The following EYS variants were observed in gnomAD, a reference collection of about 807,000 sequenced individuals.
The protein encoded by EYS is EGF-like photoreceptor maintenance factor.
Under a neutral mutation model 282.1 loss-of-function variants are expected in EYS, and 250 were observed. The observed-to-expected ratio is 0.89, with a 90% confidence interval of 0.80 to 0.98. EYS has a LOEUF of 0.98. Ranked by LOEUF, EYS falls within the 50% of genes least tolerant of loss-of-function variation. The pLI, the probability that EYS is intolerant of heterozygous loss-of-function variation, is 0.00. For synonymous variants in EYS, 1,355 were observed against 1,282.9 expected (o/e 1.06, Z -1.20); for missense variants, 4,016 against 3,709.0 (o/e 1.08, Z -2.15).
intron 12 of EYS, among the ~76,000 whole-genome samples, chr6:65,171,413 A>T (rs2150227621): frequency 6.6e-6 from 1 of 151,650 alleles, no homozygotes; most frequent in African/African-American, 2.4e-5. Flanking sequence ...ACCTTTACTT[A>T]ACTTTTCAAT....
chr6:65,516,102 A>T (rs991845849), intron 2 of EYS, among the ~76,000 whole-genome samples: 5 of 152,016 alleles, frequency 3.3e-5, no homozygotes, highest in African/African-American at 9.7e-5. Context: ...GAAGGAAAGA[A>T]ATAAGAAAGG....
At chr6:63,968,962 T>A (rs1158743253) in intron 35 of EYS, among the ~76,000 whole-genome samples, 1 of 152,240 alleles carries the variant, frequency 6.6e-6, no homozygotes, top group African/African-American at 2.4e-5. Context: ...ATAGAAGTAA[T>A]ATGTAATTTT....
In EYS at chr6:63,789,089, A is replaced by C; in HGVS notation, c.7547T>G (p.Leu2516Arg). Residue 2516 changes from leucine (L) to arginine (R), a missense_variant, in exon 38 of 43, where the codon CTG (leucine) becomes CGG (arginine). Physicochemically the swap from Leu to Arg is moderately radical, Grantham distance 102. Transcript: ENST00000503581. ...CCAGCCCTCTTGGAAGAACTTGCCC[A>C]GATGAACAGTGTGGACTCCAAGGCT... ...NLSLGVHTVH[L>R]GKFFQEGWLK... 2 of 1,551,644 alleles carry C rather than the reference A, an allele frequency of 1.3e-6. No homozygotes were observed. The highest frequency in any genetic ancestry group is 1.7e-6 in the Non-Finnish European group (2 of 1,146,932).
intron 31 of EYS, among the ~76,000 whole-genome samples, chr6:64,146,259 C>T (rs1774515036): frequency 6.6e-6 from 1 of 152,064 alleles, no homozygotes; most frequent in Admixed American, 6.6e-5. Context: ...ACTCACTCAC[C>T]TGGTATTATG....
chr6:65,667,726 C>T (rs1447679911), intron 1 of EYS, among the ~76,000 whole-genome samples: 1 of 151,796 alleles, frequency 6.6e-6, no homozygotes, highest in Non-Finnish European at 1.5e-5. Context: ...AAAGATTTTG[C>T]TGGCATTTTC....
At chr6:64,661,188 A>G (rs1215807829) in intron 22 of EYS, among the ~76,000 whole-genome samples, 1 of 152,176 alleles carries the variant, frequency 6.6e-6, no homozygotes, top group African/African-American at 2.4e-5. Context: ...AGCCATATGT[A>G]GAAAGCTGAA....
In EYS at chr6:65,201,906, AG is replaced by A. The variant is rs918115537; in HGVS notation, c.2023+93956del. Among the ~76,000 whole-genome samples, 118 of 152,144 alleles carry A rather than the reference AG, an allele frequency of 7.8e-4. 1 individual carries two copies. Among genetic ancestry groups the A allele is most frequent in the African/African-American group, 2.8e-3 (115 of 41,498 alleles). On this transcript the variant is annotated intron_variant, in intron 12 of 42. Coordinates refer to ENST00000503581, the MANE Select transcript of EYS (RefSeq NM_001142800.2). The stretch of plus-strand genomic sequence containing the variant: ...GGCAGGTACATCATTTGAGGCCAGG[AG>A]TTTGAGGCCAGCCTGGGCAACATGG...
At chr6:64,019,087 TATAAG>T (rs1411704606) in intron 33 of EYS, among the ~76,000 whole-genome samples, 1 of 152,072 alleles carries the variant, frequency 6.6e-6, no homozygotes, top group Non-Finnish European at 1.5e-5. Context: ...CAAATGTTCT[TATAAG>T]AGAGAATCAG....
At position 64,492,469 on chromosome 6, in the gene EYS, TTTG is replaced by T. The variant is rs199757089; in HGVS notation, c.5645-53120_5645-53118del. On this transcript the variant is annotated intron_variant, in intron 26 of 42. Coordinates refer to ENST00000503581, the MANE Select transcript of EYS (RefSeq NM_001142800.2). Reference sequence around the variant, plus strand: ...TCCCAGTTCATGCTGGTCCTGTTTTTTTGTTGTTGTTGTTGTTGTTGTTTTCTA... The same window carrying T: ...TCCCAGTTCATGCTGGTCCTGTTTTTTTGTTGTTGTTGTTGTTGTTTTCTA... 2.8e-3 allele frequency among the ~76,000 whole-genome samples: 430 copies of T among 151,216 alleles called. 4 individuals are homozygous for T. Among genetic ancestry groups the T allele is most frequent in the African/African-American group, 9.8e-3 (407 of 41,410 alleles).
At chr6:64,132,683 G>A (rs895926309) in intron 31 of EYS, among the ~76,000 whole-genome samples, 3 of 151,382 alleles carry the variant, frequency 2.0e-5, no homozygotes, top group African/African-American at 4.8e-5. Context: ...AAATATACAG[G>A]ACTCTTAAAA....
At chr6:63,800,115 C>T (rs1018074849) in intron 37 of EYS, among the ~76,000 whole-genome samples, 2 of 152,188 alleles carry the variant, frequency 1.3e-5, no homozygotes, top group African/African-American at 4.8e-5. Context: ...TGTTCTCTGA[C>T]GGTTCTCACT....
chr6:65,583,064 AAATTT>A (rs1443687288), intron 2 of EYS, among the ~76,000 whole-genome samples: 3 of 152,072 alleles, frequency 2.0e-5, no homozygotes, highest in Non-Finnish European at 2.9e-5. Context: ...AGTTATTTTT[AAATTT>A]AATTTAAGTT....
intron 29 of EYS, among the ~76,000 whole-genome samples, chr6:64,345,759 C>T (rs950962552): frequency 6.6e-5 from 10 of 152,032 alleles, no homozygotes; most frequent in Admixed American, 3.3e-4. Context: ...TCAGAGTGAA[C>T]AGGCAACCTA....
At chr6:64,800,298 A>C (rs1774497837) in intron 22 of EYS, among the ~76,000 whole-genome samples, 1 of 152,008 alleles carries the variant, frequency 6.6e-6, no homozygotes, top group Non-Finnish European at 1.5e-5. Flanking sequence ...TTTGATGAAA[A>C]AGTACTATCA....
chr6:64,619,034 C>T (rs1260803942), intron 23 of EYS, among the ~76,000 whole-genome samples: 1 of 152,060 alleles, frequency 6.6e-6, no homozygotes, highest in Non-Finnish European at 1.5e-5. Flanking sequence ...TAATAAAACT[C>T]TAACAAATAC....
chr6:65,581,434 T>C (rs1764866882), intron 2 of EYS, among the ~76,000 whole-genome samples: 1 of 152,134 alleles, frequency 6.6e-6, no homozygotes, highest in Non-Finnish European at 1.5e-5. Context: ...ATCTTTCATC[T>C]ATAATGGCCA....
chr6:64,626,518 C>T (rs1315302481), intron 22 of EYS, among the ~76,000 whole-genome samples: 1 of 152,096 alleles, frequency 6.6e-6, no homozygotes, highest in African/African-American at 2.4e-5. Context: ...TGGATTAACT[C>T]GGTGGGCTCT....
chr6:65,531,627 A>G (rs1057222912), intron 2 of EYS, among the ~76,000 whole-genome samples: 1 of 152,192 alleles, frequency 6.6e-6, no homozygotes, highest in African/African-American at 2.4e-5. Flanking sequence ...CAGCATAAAT[A>G]TTAAAGTCAA....
At chr6:65,512,133 T>G (rs1024800854) in intron 2 of EYS, among the ~76,000 whole-genome samples, 3 of 152,110 alleles carry the variant, frequency 2.0e-5, no homozygotes, top group African/African-American at 7.2e-5. Context: ...TTCCCTAACT[T>G]TCCGGCACAC....
Sources: allele counts gnomAD v4.1 joint callset (sites outside exome capture counted in the v4.1 genomes callset), GRCh38; gene constraint gnomAD v4.1.1; transcripts MANE v1.5; gene names NCBI Gene and HGNC (gene_info 2026-07-23, HGNC 2026-07-21).